TNS4: variants seen among roughly 807,000 people sequenced by gnomAD.
The protein encoded by TNS4 is tensin-4.
A neutral mutation model predicts 70.4 loss-of-function variants in TNS4; 46 were observed. The ratio of observed to expected loss-of-function variants is 0.65; its 90% CI spans 0.52 to 0.84. The LOEUF is 0.84. TNS4 is among the 40% of genes least tolerant of loss of function. The pLI is 0.00. For missense variants in TNS4, 863 were observed against 907.0 expected (o/e 0.95, Z 0.62); for synonymous variants, 390 against 366.6 (o/e 1.06, Z -0.73).
At chr17:40,497,542 G>T (rs2036160835) in intron 1 of TNS4, among the ~76,000 whole-genome samples, 1 of 152,248 alleles carries the variant, frequency 6.6e-6, no homozygotes, top group Admixed American at 6.5e-5. Context: ...GGCAGAGGTT[G>T]CAGTGAGCCG....
At chr17:40,480,977 T>G in intron 8 of TNS4, 1 of 568,114 alleles carries the variant, frequency 1.8e-6, no homozygotes, top group Middle Eastern at 2.9e-4. Context: ...ACCCTTTTGA[T>G]CTCTTCATCC....
Position 40,487,403 on chromosome 17 carries a change from C to T in TNS4, c.921G>A (p.Leu307=). The part of the protein sequence containing the change: ...NSSHQSSSRS[L]ESPANSSSSL... ...TGGAGGAAGAGTTGGCTGGACTTTC[C>T]AAGGATCTGGAAGATGACTGATGGC... Residue 307 remains leucine, a synonymous_variant, in exon 4 of 13, where the codon TTG becomes TTA. Coordinates refer to ENST00000254051, the MANE Select transcript of TNS4 (RefSeq NM_032865.6). 3 of 1,613,910 alleles carry T rather than the reference C, an allele frequency of 1.9e-6. No homozygotes were observed. The highest frequency in any genetic ancestry group is 2.5e-6 in the Non-Finnish European group (3 of 1,179,878).
chr17:40,478,759 C>A (rs766148312), intron 10 of TNS4, 111 bp from the exon 11 acceptor site: 278 of 1,280,562 alleles, frequency 2.2e-4, no homozygotes, highest in Non-Finnish European at 2.9e-4. Flanking sequence ...TCCAAGAAGT[C>A]TCTGGGTTAG....
intron 2 of TNS4, among the ~76,000 whole-genome samples, chr17:40,493,153 C>G (rs571155966): frequency 6.6e-6 from 1 of 151,938 alleles, no homozygotes; most frequent in Admixed American, 6.6e-5. Context: ...GGCAACACAA[C>G]GAGACTCTGT....
chr17:40,479,953 C>G, intron 9 of TNS4, 111 bp from the exon 10 acceptor site: 1 of 1,337,206 alleles, frequency 7.5e-7, no homozygotes. Context: ...AGTGGAGCTC[C>G]TCTTAGAGCC....
intron 1 of TNS4, among the ~76,000 whole-genome samples, chr17:40,500,933 G>A (rs977005263): frequency 1.3e-4 from 20 of 152,080 alleles, no homozygotes; most frequent in African/African-American, 4.8e-4. Flanking sequence ...GCTGGGAGGC[G>A]AGAGGCCTGG....
chr17:40,490,922 G>A (rs1284578253), intron 2 of TNS4, among the ~76,000 whole-genome samples: 1 of 152,216 alleles, frequency 6.6e-6, no homozygotes, highest in East Asian at 1.9e-4. Context: ...GCTCGAGAGA[G>A]GAGCATTTCC....
chr17:40,490,186 C>T (rs1220977637), intron 2 of TNS4, among the ~76,000 whole-genome samples: 1 of 151,452 alleles, frequency 6.6e-6, no homozygotes, highest in East Asian at 2.0e-4. Flanking sequence ...AGGGGTCACC[C>T]AACACACCCC....
At chr17:40,492,987 A>G (rs1396703640) in intron 2 of TNS4, among the ~76,000 whole-genome samples, 1 of 151,970 alleles carries the variant, frequency 6.6e-6, no homozygotes, top group African/African-American at 2.4e-5. Context: ...GCAAGACTCC[A>G]TCACCCACCA....
At position 40,475,879 on chromosome 17, in the gene TNS4, A is replaced by G. The variant is rs1398624668; in HGVS notation, c.*1709T>C. The stretch of plus-strand genomic sequence containing the variant: ...TATTTTTCATGATAGGAGCTGTAGC[A>G]GAGTATATGGGGGCCTCTGCCAGCC... On this transcript the variant is annotated 3_prime_UTR_variant, in exon 13 of 13. Coordinates refer to ENST00000254051, the MANE Select transcript of TNS4 (RefSeq NM_032865.6). The G allele has an allele frequency of 2.0e-5, 3 of 152,214 alleles. No individual in the cohort carries two copies. The highest frequency in any genetic ancestry group is 4.4e-5 in the Non-Finnish European group (3 of 68,036). The allele number at this position is 152,214 out of a possible 1,614,324, so 9.4% of individuals were successfully genotyped here. A position where few individuals can be genotyped will look rare whatever the true frequency, so the allele number is the denominator to read the frequency against.
At chr17:40,498,530 A>G (rs2036172553) in intron 1 of TNS4, among the ~76,000 whole-genome samples, 2 of 152,172 alleles carry the variant, frequency 1.3e-5, no homozygotes, top group Admixed American at 6.5e-5. Flanking sequence ...TCACAGCTCT[A>G]GGAAGTACTG....
intron 2 of TNS4, among the ~76,000 whole-genome samples, chr17:40,492,225 C>G (rs1045891677): frequency 6.6e-6 from 1 of 152,334 alleles, no homozygotes; most frequent in South Asian, 2.1e-4. Flanking sequence ...AGCCCAGAGC[C>G]TGGGATTTGA....
intron 5 of TNS4, 39 bp from the exon 6 acceptor site, chr17:40,484,648 C>T: frequency 6.2e-7 from 1 of 1,607,418 alleles, no homozygotes; most frequent in Non-Finnish European, 8.5e-7. Flanking sequence ...CACCGCCCCA[C>T]CTGGACACCC....
At position 40,485,013 on chromosome 17, in the gene TNS4, G is replaced by C; in HGVS notation, c.1289-6C>G. The C allele has an allele frequency of 6.2e-7, 1 of 1,613,940 alleles. No homozygotes were observed. The highest frequency in any genetic ancestry group is 8.5e-7 in the Non-Finnish European group (1 of 1,179,866). On this transcript the variant is annotated splice_region_variant and splice_polypyrimidine_tract_variant and intron_variant, in intron 4 of 12. Transcript: ENST00000254051. ...CTGCATGTCCCTGGCGGGACCTGGA[G>C]ACAGACAGAGAAGGGGGACCCTGTA...
intron 1 of TNS4, among the ~76,000 whole-genome samples, chr17:40,498,465 C>T (rs190932188): frequency 6.2e-4 from 95 of 152,280 alleles, no homozygotes; most frequent in African/African-American, 2.0e-3. Context: ...ATTTATTGAG[C>T]GCTGACCATG....
chr17:40,481,710 A>G (rs913858479), intron 8 of TNS4, among the ~76,000 whole-genome samples: 3 of 152,210 alleles, frequency 2.0e-5, no homozygotes, highest in South Asian at 2.1e-4. Flanking sequence ...AGCAAAGTCT[A>G]CTTCACAAGC....
intron 2 of TNS4, among the ~76,000 whole-genome samples, chr17:40,494,529 C>T (rs2036116467): frequency 6.6e-6 from 1 of 152,124 alleles, no homozygotes; most frequent in Non-Finnish European, 1.5e-5. Context: ...CTCAGGAGTT[C>T]GAGACCAGCC....
chr17:40,496,300 G>C lies in TNS4; in HGVS notation c.126C>G (p.Tyr42Ter). The C allele has an allele frequency of 6.2e-7, 1 of 1,613,434 alleles. No homozygotes were observed. The highest frequency in any genetic ancestry group is 1.1e-5 in the South Asian group (1 of 91,022). ...PSPSLPPQCS[Y>*]YTTEGWGAQA... ...GGGCTCCCCAGCCTTCCGTGGTGTA[G>C]TAAGAACACTGGGGTGGCAGGCTGG... Residue 42 changes from tyrosine to a stop codon, truncating the protein, a stop_gained, in exon 2 of 13, where the codon TAC becomes TAG. Transcript: ENST00000254051. LOFTEE classifies it high-confidence loss of function.
At chr17:40,486,323 C>T (rs529824463) in intron 4 of TNS4, among the ~76,000 whole-genome samples, 1 of 152,230 alleles carries the variant, frequency 6.6e-6, no homozygotes, top group African/African-American at 2.4e-5. Flanking sequence ...GACTCGCCCT[C>T]TTGCTCTCCT....
Sources: allele counts gnomAD v4.1 joint callset (sites outside exome capture counted in the v4.1 genomes callset), GRCh38; gene constraint gnomAD v4.1.1; transcripts MANE v1.5; gene names NCBI Gene and HGNC (gene_info 2026-07-23, HGNC 2026-07-21).